The following XRN2 variants were observed in gnomAD, a reference collection of about 807,000 sequenced individuals.
XRN2 encodes 5'-3' exoribonuclease 2, also known as DHM1-like protein.
Under a neutral mutation model 138.5 loss-of-function variants are expected in XRN2, and 44 were observed. The observed-to-expected ratio is 0.32, with a 90% CI of 0.25 to 0.41. The LOEUF (loss-of-function observed/expected upper bound fraction) is 0.41. XRN2 is among the 10% of genes least tolerant of loss of function. The pLI is 1.00. For missense variants in XRN2, 937 were observed against 1,169.3 expected, an observed-to-expected ratio of 0.80 and a Z score of 2.90; for synonymous variants, 354 against 369.4, an observed-to-expected ratio of 0.96 and a Z score of 0.48.
chr20:21,324,500 T>TTC (rs2038095136), intron 1 of XRN2, among the ~76,000 whole-genome samples: 1 of 151,530 alleles, frequency 6.6e-6, no homozygotes, highest in Non-Finnish European at 1.5e-5. Flanking sequence ...ATATGTTCTT[T>TTC]TTTTTTTTTT....
At chr20:21,314,651 T>G (rs2037932799) in intron 1 of XRN2, among the ~76,000 whole-genome samples, 1 of 151,936 alleles carries the variant, frequency 6.6e-6, no homozygotes, top group Non-Finnish European at 1.5e-5. Flanking sequence ...TATGCTTGGC[T>G]AACTTTTTTT....
chr20:21,317,484 A>ATTC (rs2037976109), intron 1 of XRN2, among the ~76,000 whole-genome samples: 1 of 152,134 alleles, frequency 6.6e-6, no homozygotes, highest in Non-Finnish European at 1.5e-5. Flanking sequence ...ATATTTTAAT[A>ATTC]TATTGCTGGC....
At chr20:21,369,315 TTGA>T (rs1230244186) in intron 27 of XRN2, among the ~76,000 whole-genome samples, 1 of 152,266 alleles carries the variant, frequency 6.6e-6, no homozygotes, top group African/African-American at 2.4e-5. Context: ...CATTCATCTG[TTGA>T]TGCACACTTA....
chr20:21,351,124 G>C (rs948943264), intron 20 of XRN2, among the ~76,000 whole-genome samples: 2 of 152,132 alleles, frequency 1.3e-5, no homozygotes, highest in Admixed American at 1.3e-4. Flanking sequence ...ATATAAACAT[G>C]CAGGTGACTT....
intron 27 of XRN2, among the ~76,000 whole-genome samples, chr20:21,369,144 C>G (rs1353616022): frequency 1.3e-5 from 2 of 152,148 alleles, no homozygotes; most frequent in Non-Finnish European, 2.9e-5. Context: ...GTAGCTCCCA[C>G]AAATAGTGAG....
rs575663539 is a variant in XRN2 at position 21,346,632 on chromosome 20, G to C, written c.1665+82G>C. ...ATTTCTTTTTTTTTGTTTGTTTTTT[G>C]TTTTTGAGACGGAGTCTTGCCCTGT... On this transcript the variant is annotated intron_variant, in intron 17 of 29. Coordinates refer to ENST00000377191, the MANE Select transcript of XRN2 (RefSeq NM_012255.5). 3.9e-6 allele frequency: 6 copies of C among 1,539,266 alleles called. No homozygotes were observed. In the African/African-American group the frequency reaches 8.3e-5, roughly 21 times the overall value.
intron 1 of XRN2, among the ~76,000 whole-genome samples, chr20:21,313,314 G>T (rs1285947300): frequency 6.6e-6 from 1 of 152,224 alleles, no homozygotes; most frequent in African/African-American, 2.4e-5. Flanking sequence ...AAAGCAGAAG[G>T]CTGCGTGTCC....
At chr20:21,371,898 A>C (rs1484149116) in intron 27 of XRN2, among the ~76,000 whole-genome samples, 1 of 152,222 alleles carries the variant, frequency 6.6e-6, no homozygotes, top group Non-Finnish European at 1.5e-5. Flanking sequence ...TCTTGTTTGC[A>C]TCTGTGTATT....
intron 1 of XRN2, among the ~76,000 whole-genome samples, chr20:21,321,325 G>A (rs1432759935): frequency 1.3e-5 from 2 of 149,608 alleles, no homozygotes; most frequent in African/African-American, 2.5e-5. Flanking sequence ...GTGTGTGTGT[G>A]TGTGTGTGTG....
chr20:21,321,933 T>C (rs1157978096), intron 1 of XRN2, among the ~76,000 whole-genome samples: 1 of 152,206 alleles, frequency 6.6e-6, no homozygotes, highest in African/African-American at 2.4e-5. Context: ...GTACCTGATA[T>C]AGACCTTGGT....
intron 3 of XRN2, among the ~76,000 whole-genome samples, chr20:21,327,056 C>CA (rs2038138297): frequency 6.6e-6 from 1 of 151,960 alleles, no homozygotes; most frequent in East Asian, 1.9e-4. Flanking sequence ...ATGGATGGGA[C>CA]AGGGTTTGGG....
At chr20:21,317,471 A>T (rs530662896) in intron 1 of XRN2, among the ~76,000 whole-genome samples, 4 of 152,294 alleles carry the variant, frequency 2.6e-5, no homozygotes, top group East Asian at 1.9e-4. Context: ...GTCATGGTGT[A>T]TAATATTTTA....
intron 27 of XRN2, among the ~76,000 whole-genome samples, chr20:21,377,788 T>C (rs2038842281): frequency 1.3e-5 from 2 of 152,138 alleles, no homozygotes; most frequent in African/African-American, 2.4e-5. Context: ...ATGGACGGGA[T>C]TGTAGAGTGA....
intron 20 of XRN2, among the ~76,000 whole-genome samples, chr20:21,352,754 C>T (rs553397718): frequency 1.3e-5 from 2 of 152,248 alleles, no homozygotes; most frequent in Non-Finnish European, 2.9e-5. Flanking sequence ...GTAATTCCAT[C>T]AAGTCACACA....
rs1257706622 is a variant in XRN2 at position 21,340,702 on chromosome 20, T to C, written c.1279-19T>C. ...TTGTGATTTAATTTTAATTTCTACA[T>C]TCATTCCATTTATGTTAGAGAGATC... On this transcript the variant is annotated intron_variant, in intron 14 of 29. Coordinates refer to ENST00000377191, the MANE Select transcript of XRN2 (RefSeq NM_012255.5). 6.2e-7 allele frequency: 1 copy of C among 1,607,948 alleles called. No individual in the cohort carries two copies. The highest frequency in any genetic ancestry group is 8.5e-7 in the Non-Finnish European group (1 of 1,176,728).
chr20:21,348,437 C>T lies in XRN2; in HGVS notation c.1863+7C>T. 1 of 1,612,518 alleles carries T rather than the reference C, an allele frequency of 6.2e-7. No individual in the cohort carries two copies. The highest frequency in any genetic ancestry group is 8.5e-7 in the Non-Finnish European group (1 of 1,179,238). On this transcript the variant is annotated splice_region_variant and intron_variant, in intron 19 of 29. Transcript: ENST00000377191. ...GAAGCTCATGAGTGATCCTGTGAGT[C>T]TCAGTATTTTGAGTGTGTGGGTGAC... is the stretch of plus-strand genomic sequence containing the variant.
intron 3 of XRN2, among the ~76,000 whole-genome samples, chr20:21,327,054 G>A (rs1333256065): frequency 6.6e-6 from 1 of 152,132 alleles, no homozygotes; most frequent in Non-Finnish European, 1.5e-5. Flanking sequence ...AGATGGATGG[G>A]ACAGGGTTTG....
Position 21,328,623 on chromosome 20 carries a change from A to G in XRN2, c.380A>G (p.Glu127Gly). 6.2e-7 allele frequency: 1 copy of G among 1,614,136 alleles called. No individual in the cohort carries two copies. Among genetic ancestry groups the G allele is most frequent in the Non-Finnish European group, 8.5e-7 (1 of 1,179,994 alleles). ...TTCAGGGCATCAAAAGAAGGAATGG[A>G]AGCAGCAGTCGAGAAGCAGCGAGTC... The part of the protein sequence containing the change: ...RRFRASKEGM[E>G]AAVEKQRVRE... The change falls in exon 4 of 30, where the codon GAA (glutamate) becomes GGA (glycine). Residue 127 changes from glutamate (E) to glycine (G), a missense_variant. Physicochemically the swap from Glu to Gly is moderately conservative, Grantham distance 98. Around this residue, in one of 6 missense-constraint regions of XRN2, gnomAD observed 471 missense variants for 581.2 expected, o/e 0.81. Coordinates refer to ENST00000377191, the MANE Select transcript of XRN2 (RefSeq NM_012255.5).
chr20:21,349,535 G>T, intron 20 of XRN2, 74 bp downstream of exon 20: 1 of 1,232,102 alleles, frequency 8.1e-7, no homozygotes. Flanking sequence ...TTCTGTAAAA[G>T]ATAAATATTT....
Sources: gnomAD v4.1 joint callset for allele counts (sites outside exome capture counted in the v4.1 genomes callset) on GRCh38, gnomAD v4.1.1 for gene constraint, gnomAD v4.1.1 regional missense constraint, MANE v1.5 for transcripts, NCBI Gene and HGNC (gene_info 2026-07-23, HGNC 2026-07-21) for gene names.